PIEZO2: variants seen among roughly 807,000 people sequenced by gnomAD.
PIEZO2 encodes the protein piezo-type mechanosensitive ion channel component 2.
PIEZO2 carries 172 observed loss-of-function variants against 337.3 expected under a neutral mutation model. That is an observed-to-expected ratio of 0.51 (90% CI 0.45 to 0.58). PIEZO2 has a LOEUF of 0.58. Ranked by LOEUF, PIEZO2 falls within the 20% of genes least tolerant of loss-of-function variation. The pLI is 0.00. For missense variants in PIEZO2, 3,028 were observed against 3,391.3 expected (o/e 0.89, Z 2.66); for synonymous variants, 1,251 against 1,228.5 (o/e 1.02, Z -0.38).
chr18:10,764,411 G>A (rs2038267798), intron 21 of PIEZO2, among the ~76,000 whole-genome samples: 1 of 152,104 alleles, frequency 6.6e-6, no homozygotes, highest in African/African-American at 2.4e-5. Context: ...GGAGGCCAAG[G>A]TGGGTGGATC....
At position 10,813,851 on chromosome 18, in the gene PIEZO2, C is replaced by T. The variant is rs1161898601; in HGVS notation, c.918-6577G>A. ...TATACTGTTTTCCATCAGTGCTGCC[C>T]GATTTTACATTCCCACCAGCAGTGC... On this transcript the variant is annotated intron_variant, in intron 7 of 55. Coordinates refer to ENST00000674853, the MANE Select transcript of PIEZO2 (RefSeq NM_001378183.1). This position sits in a 1 kb window ranked among gnomAD's most constrained non-coding sequence, Gnocchi z 4.2. 6.6e-6 allele frequency among the ~76,000 whole-genome samples: 1 copy of T among 152,130 alleles called. No individual in the cohort carries two copies. The highest frequency in any genetic ancestry group is 1.5e-5 in the Non-Finnish European group (1 of 68,030).
Position 10,794,660 on chromosome 18 carries a change from C to G in PIEZO2, c.1758+112G>C. 1 of 858,264 alleles carries G rather than the reference C, an allele frequency of 1.2e-6. No homozygotes were observed. The highest frequency in any genetic ancestry group is 1.7e-6 in the Non-Finnish European group (1 of 574,616). The allele number at this position is 858,264 out of a possible 1,614,324, so 53.2% of individuals were successfully genotyped here. ...ACAGTCTCATGTTTGTTCATTTTTA[C>G]AAAGCAGTGAATATTTGGAACCTGT... On this transcript the variant is annotated intron_variant, in intron 13 of 55. Transcript: ENST00000674853. The surrounding 1 kb of genome is among the most constrained non-coding windows in gnomAD (Gnocchi z 6.6).
intron 1 of PIEZO2, among the ~76,000 whole-genome samples, chr18:11,115,798 A>G (rs965115808): frequency 8.5e-5 from 13 of 152,320 alleles, no homozygotes; most frequent in African/African-American, 2.4e-4. Context: ...AATATAAAAT[A>G]TAAAATAAAA....
chr18:10,900,714 C>CCA (rs2043023575), intron 4 of PIEZO2, among the ~76,000 whole-genome samples: 1 of 151,964 alleles, frequency 6.6e-6, no homozygotes, highest in African/African-American at 2.4e-5. Flanking sequence ...CAAACATCAA[C>CCA]CACACACACA....
At chr18:11,119,573 C>T (rs2039978825) in intron 1 of PIEZO2, among the ~76,000 whole-genome samples, 1 of 152,170 alleles carries the variant, frequency 6.6e-6, no homozygotes, top group African/African-American at 2.4e-5. Flanking sequence ...AAAAATTTAG[C>T]TCTATGAGCT....
At chr18:11,136,429 TCTC>T (rs2040488712) in intron 1 of PIEZO2, among the ~76,000 whole-genome samples, 1 of 152,190 alleles carries the variant, frequency 6.6e-6, no homozygotes, top group Non-Finnish European at 1.5e-5. Flanking sequence ...CCTTTCATCT[TCTC>T]TTGTGACTGA....
chr18:10,714,901 G>A lies in PIEZO2; in HGVS notation c.5286C>T (p.His1762=), dbSNP rs2035953033. The A allele has an allele frequency of 6.5e-7, 1 of 1,537,122 alleles. No individual in the cohort carries two copies. The highest frequency in any genetic ancestry group is 1.4e-5 in the African/African-American group (1 of 73,048). ...TCATGATGTGGTTCTGATAGTACAT[G>A]TGGATGCTCTCCCGAGTTGGAACAT... ...KGNVPTRESI[H]MYYQNHIMNL... Residue 1762 remains histidine, a synonymous_variant, in exon 39 of 56, where the codon CAC becomes CAT. Transcript: ENST00000674853.
intron 7 of PIEZO2, among the ~76,000 whole-genome samples, chr18:10,812,792 T>C (rs1041849776): frequency 2.0e-5 from 3 of 152,186 alleles, no homozygotes; most frequent in Admixed American, 1.3e-4. Flanking sequence ...CACTTGTTTC[T>C]GCTCGCACAT....
In PIEZO2 at chr18:10,878,763, T is replaced by C. The variant is rs546730040; in HGVS notation, c.330-7348A>G. Among the ~76,000 whole-genome samples the C allele has an allele frequency of 1.0e-4, 15 of 148,118 alleles. No homozygotes were observed. In the East Asian group the frequency reaches 2.7e-3, roughly 27 times the overall value. On this transcript the variant is annotated intron_variant, in intron 4 of 55. Transcript: ENST00000674853. The surrounding 1 kb of genome is among the most constrained non-coding windows in gnomAD (Gnocchi z 4.3). Reference sequence around the variant, plus strand: ...AGAAACACAGGGTAAGGTCAGACCATACAAAGCTTGGATGTTTTGAAAAAA... The same window carrying C: ...AGAAACACAGGGTAAGGTCAGACCACACAAAGCTTGGATGTTTTGAAAAAA...
chr18:10,873,875 A>C (rs1318185928), intron 4 of PIEZO2, among the ~76,000 whole-genome samples: 5 of 152,162 alleles, frequency 3.3e-5, no homozygotes, highest in Non-Finnish European at 4.4e-5. Flanking sequence ...CTAGAAAAAA[A>C]CACTGTGGAA....
At chr18:11,076,078 GC>G (rs2038536015) in intron 1 of PIEZO2, among the ~76,000 whole-genome samples, 1 of 152,112 alleles carries the variant, frequency 6.6e-6, no homozygotes, top group Non-Finnish European at 1.5e-5. Context: ...GAGCCACCGT[GC>G]CCGGCCTACA....
chr18:11,115,051 A>G lies in PIEZO2; in HGVS notation c.64+33474T>C, dbSNP rs148561018. On this transcript the variant is annotated intron_variant, in intron 1 of 55. Transcript: ENST00000674853. ...TCTTTTATCCTGTCTCTCCCCAGAT[A>G]TAATGTTTTCCAGGTTGCTCTATTG... Among the ~76,000 whole-genome samples, 52 of 152,320 alleles carry G rather than the reference A, an allele frequency of 3.4e-4. 1 individual carries two copies. The highest frequency in any genetic ancestry group is 1.3e-3 in the African/African-American group (52 of 41,578).
intron 3 of PIEZO2, among the ~76,000 whole-genome samples, chr18:10,961,294 T>C (rs551818371): frequency 3.9e-5 from 6 of 152,332 alleles, no homozygotes; most frequent in African/African-American, 1.2e-4. Context: ...TGGAGACTTA[T>C]TCTAAGTGAA....
At position 10,813,271 on chromosome 18, in the gene PIEZO2, G is replaced by GC; in HGVS notation, c.918-5998dup. On this transcript the variant is annotated intron_variant, in intron 7 of 55. Coordinates refer to ENST00000674853, the MANE Select transcript of PIEZO2 (RefSeq NM_001378183.1). The surrounding 1 kb of genome is among the most constrained non-coding windows in gnomAD (Gnocchi z 4.2). ...TGGCATTACAGGAGTGAGCCACCGC[G>GC]CCCGGGCCATTTTAAACATTTTTAA... Among the ~76,000 whole-genome samples the GC allele has an allele frequency of 4.6e-5, 7 of 152,236 alleles. No individual in the cohort carries two copies. Among genetic ancestry groups the GC allele is most frequent in the African/African-American group, 1.7e-4 (7 of 41,530 alleles).
At chr18:10,802,100 A>G (rs1438679018) in intron 9 of PIEZO2, among the ~76,000 whole-genome samples, 2 of 151,592 alleles carry the variant, frequency 1.3e-5, no homozygotes, top group African/African-American at 2.4e-5. Flanking sequence ...AAAAAAAAAA[A>G]AAAAAAGAAA....
chr18:10,871,425 A>G lies in PIEZO2; in HGVS notation c.330-10T>C. ...ATCAGCTCCCTTTAAGCTATAAAGG[A>G]AAAACAAGGGGAGGGGAAAAAAATT... On this transcript the variant is annotated splice_polypyrimidine_tract_variant and intron_variant, in intron 4 of 55. Transcript: ENST00000674853. 1 of 1,527,564 alleles carries G rather than the reference A, an allele frequency of 6.5e-7. No homozygotes were observed. Among genetic ancestry groups the G allele is most frequent in the East Asian group, 2.5e-5 (1 of 40,764 alleles). 94.6% of individuals were successfully genotyped at this position (1,527,564 alleles called of 1,614,324 possible). A position where few individuals can be genotyped will look rare whatever the true frequency, so the allele number is the denominator to read the frequency against.
chr18:10,677,743 T>G lies in PIEZO2; in HGVS notation c.8081+4A>C, dbSNP rs944106355. 6.2e-7 allele frequency: 1 copy of G among 1,608,194 alleles called. No homozygotes were observed. The highest frequency in any genetic ancestry group is 8.5e-7 in the Non-Finnish European group (1 of 1,178,690). The stretch of plus-strand genomic sequence containing the variant: ...GCTCTATTAGTAGGAAAAAATACAC[T>G]TACACTGGTGTTTTTGAACTTTCTG... On this transcript the variant is annotated splice_donor_region_variant and intron_variant, in intron 53 of 55. Transcript: ENST00000674853. The surrounding 1 kb of genome is among the most constrained non-coding windows in gnomAD (Gnocchi z 4.1).
intron 45 of PIEZO2, 71 bp downstream of exon 45, chr18:10,697,677 G>T: frequency 1.3e-5 from 21 of 1,558,828 alleles, no homozygotes; most frequent in Non-Finnish European, 1.6e-5. Context: ...CTCTGCTCCT[G>T]GTTTATAGGA....
At position 10,952,798 on chromosome 18, in the gene PIEZO2, C is replaced by T. The variant is rs1021451240; in HGVS notation, c.286+26737G>A. ...AAGTGTCTATATAATTGTACATTCC[C>T]GCCAGAAATGTATTTGAATTCCAAG... On this transcript the variant is annotated intron_variant, in intron 3 of 55. Transcript: ENST00000674853. The surrounding 1 kb of genome is among the most constrained non-coding windows in gnomAD (Gnocchi z 4.1). 6.6e-6 allele frequency among the ~76,000 whole-genome samples: 1 copy of T among 152,048 alleles called. No individual in the cohort carries two copies. The highest frequency in any genetic ancestry group is 2.1e-4 in the South Asian group (1 of 4,812).
Sources: allele counts gnomAD v4.1 joint callset (sites outside exome capture counted in the v4.1 genomes callset), GRCh38; gene constraint gnomAD v4.1.1; non-coding constraint Gnocchi (gnomAD v3.1); transcripts MANE v1.5; gene names NCBI Gene and HGNC (gene_info 2026-07-23, HGNC 2026-07-21).